The following RABGAP1L variants were observed in gnomAD, a reference collection of about 807,000 sequenced individuals.
RABGAP1L encodes rab GTPase-activating protein 1-like.
In RABGAP1L, 63 loss-of-function variants were observed where a neutral mutation model predicts 137.7. The ratio of observed to expected loss-of-function variants is 0.46; its 90% confidence interval spans 0.37 to 0.56. The LOEUF is 0.56. Ranked by LOEUF, RABGAP1L falls within the 20% of genes least tolerant of loss-of-function variation. The pLI, the probability that RABGAP1L is intolerant of heterozygous loss-of-function variation, is 0.00. For synonymous variants in RABGAP1L, 431 were observed against 433.7 expected (o/e 0.99, Z 0.08); for missense variants, 1,095 against 1,244.0 (o/e 0.88, Z 1.80).
At chr1:174,925,859 GTTT>G (rs11340680) in intron 19 of RABGAP1L, among the ~76,000 whole-genome samples, 1 of 128,854 alleles carries the variant, frequency 7.8e-6, no homozygotes, top group Admixed American at 8.1e-5. Context: ...TTTGTTGTTG[GTTT>G]TTTTTTTGTT....
chr1:174,353,974 G>A (rs987263329), intron 11 of RABGAP1L, among the ~76,000 whole-genome samples: 1 of 152,214 alleles, frequency 6.6e-6, no homozygotes, highest in Non-Finnish European at 1.5e-5. Context: ...TCTGAATGGA[G>A]ATATGAATGT....
At chr1:174,301,229 C>T (rs1413392880) in intron 10 of RABGAP1L, among the ~76,000 whole-genome samples, 1 of 151,934 alleles carries the variant, frequency 6.6e-6, no homozygotes, top group Admixed American at 6.5e-5. Context: ...CTCAAGCCCA[C>T]TCCTGTGATG....
At chr1:174,494,388 G>A (rs192452626) in intron 13 of RABGAP1L, among the ~76,000 whole-genome samples, 22 of 152,230 alleles carry the variant, frequency 1.4e-4, no homozygotes, top group Admixed American at 8.5e-4. Context: ...CTCATCCTCC[G>A]TTGAATTATT....
chr1:174,582,126 C>G (rs985044156), intron 13 of RABGAP1L, among the ~76,000 whole-genome samples: 12 of 152,052 alleles, frequency 7.9e-5, no homozygotes, highest in African/African-American at 2.9e-4. Context: ...ATTCCTAGCC[C>G]TTTGGGAGGC....
At chr1:174,458,983 G>T (rs976642968) in intron 13 of RABGAP1L, among the ~76,000 whole-genome samples, 1 of 152,090 alleles carries the variant, frequency 6.6e-6, no homozygotes, top group East Asian at 1.9e-4. Flanking sequence ...TGACTTAAGA[G>T]AATTTATAAT....
intron 18 of RABGAP1L, among the ~76,000 whole-genome samples, chr1:174,808,950 C>T (rs1434001795): frequency 6.6e-6 from 1 of 152,150 alleles, no homozygotes; most frequent in Non-Finnish European, 1.5e-5. Context: ...AGCCACCAAG[C>T]ACGGCCTCAT....
intron 10 of RABGAP1L, among the ~76,000 whole-genome samples, chr1:174,302,899 TAAATC>T (rs1283618662): frequency 5.9e-5 from 9 of 152,200 alleles, no homozygotes; most frequent in Non-Finnish European, 1.2e-4. Context: ...TAAACCTACT[TAAATC>T]AAAGTATGAT....
At chr1:174,208,917 C>T (rs1668680605) in intron 1 of RABGAP1L, among the ~76,000 whole-genome samples, 2 of 152,118 alleles carry the variant, frequency 1.3e-5, no homozygotes. Flanking sequence ...TTCAGTTTAT[C>T]AGCTTGGCCA....
chr1:174,229,132 T>C (rs922274465), intron 3 of RABGAP1L, among the ~76,000 whole-genome samples: 1 of 152,142 alleles, frequency 6.6e-6, no homozygotes, highest in Non-Finnish European at 1.5e-5. Flanking sequence ...GGAATACTTA[T>C]ATAGTTCATT....
At chr1:174,865,660 G>C (rs1651077961) in intron 19 of RABGAP1L, among the ~76,000 whole-genome samples, 2 of 152,174 alleles carry the variant, frequency 1.3e-5, no homozygotes, top group Non-Finnish European at 2.9e-5. Context: ...ATATTGCCAG[G>C]CACAGTAACT....
At chr1:174,931,011 A>AT (rs557786913) in intron 19 of RABGAP1L, among the ~76,000 whole-genome samples, 67 of 151,636 alleles carry the variant, frequency 4.4e-4, no homozygotes, top group Non-Finnish European at 5.7e-4. Context: ...ATGTAGTGGG[A>AT]TTTTTTTTTG....
chr1:174,589,748 T>C (rs1669410510), intron 13 of RABGAP1L, among the ~76,000 whole-genome samples: 1 of 152,206 alleles, frequency 6.6e-6, no homozygotes, highest in Non-Finnish European at 1.5e-5. Context: ...CTTGGCATGT[T>C]GTCAAAAATG....
chr1:174,346,734 G>A (rs1343871301), intron 11 of RABGAP1L, among the ~76,000 whole-genome samples: 1 of 150,988 alleles, frequency 6.6e-6, no homozygotes, highest in Non-Finnish European at 1.5e-5. Context: ...TTTCTGGTGT[G>A]ATATTTATTA....
intron 14 of RABGAP1L, among the ~76,000 whole-genome samples, chr1:174,681,165 TATAAAG>T (rs1411739253): frequency 1.3e-5 from 2 of 152,206 alleles, no homozygotes; most frequent in African/African-American, 4.8e-5. Context: ...GGCAATTTCT[TATAAAG>T]ATAAACTTAC....
intron 13 of RABGAP1L, among the ~76,000 whole-genome samples, chr1:174,579,636 A>G (rs1668599632): frequency 6.6e-6 from 1 of 152,232 alleles, no homozygotes; most frequent in African/African-American, 2.4e-5. Flanking sequence ...TTTGCTTTTT[A>G]AGAAAGATCA....
intron 18 of RABGAP1L, among the ~76,000 whole-genome samples, chr1:174,798,625 T>C (rs199547640): frequency 3.4e-5 from 1 of 29,830 alleles, no homozygotes; most frequent in East Asian, 0.031. Context: ...ATTAATCTAT[T>C]TATTTAGGCC....
intron 1 of RABGAP1L, among the ~76,000 whole-genome samples, chr1:174,191,145 A>G (rs1332588105): frequency 6.6e-6 from 1 of 152,198 alleles, no homozygotes; most frequent in African/African-American, 2.4e-5. Context: ...AGCACAATAA[A>G]ATGAGGTATG....
intron 7 of RABGAP1L, among the ~76,000 whole-genome samples, chr1:174,268,202 A>ATTT (rs371429395): frequency 1.5e-5 from 2 of 137,232 alleles, no homozygotes. Flanking sequence ...TCACTTTTTC[A>ATTT]TTTTTTTTTT....
At chr1:174,588,387 A>G (rs1255405267) in intron 13 of RABGAP1L, among the ~76,000 whole-genome samples, 1 of 151,220 alleles carries the variant, frequency 6.6e-6, no homozygotes, top group African/African-American at 2.4e-5. Flanking sequence ...CTAGTCTCGA[A>G]CTCCTGACCT....
Sources: allele counts gnomAD v4.1 joint callset (sites outside exome capture counted in the v4.1 genomes callset), GRCh38; gene constraint gnomAD v4.1.1; transcripts MANE v1.5; gene names NCBI Gene and HGNC (gene_info 2026-07-23, HGNC 2026-07-21).